Variants in AKAP12 observed in about 807,000 individuals in gnomAD.
The protein encoded by AKAP12 is A-kinase anchor protein 12.
In AKAP12, 32 loss-of-function variants were observed where a neutral mutation model predicts 79.9. That is an observed-to-expected ratio of 0.40 (90% CI 0.30 to 0.54). The LOEUF (loss-of-function observed/expected upper bound fraction) is 0.54. AKAP12 is among the 20% of genes least tolerant of loss of function. The pLI, the probability that AKAP12 is intolerant of heterozygous loss-of-function variation, is 0.48. For synonymous variants in AKAP12, 808 were observed against 857.0 expected (o/e 0.94, Z 1.00); for missense variants, 2,074 against 2,177.0 (o/e 0.95, Z 0.94).
chr6:151,263,581 T>C (rs1395355941), intron 2 of AKAP12, among the ~76,000 whole-genome samples: 1 of 151,996 alleles, frequency 6.6e-6, no homozygotes, highest in Admixed American at 6.6e-5. Flanking sequence ...TCTTTTCTTT[T>C]CTTTTTTATT....
intron 3 of AKAP12, among the ~76,000 whole-genome samples, chr6:151,342,923 C>T (rs148200051): frequency 1.1e-3 from 174 of 152,170 alleles, no homozygotes; most frequent in African/African-American, 4.1e-3. Flanking sequence ...CCACCATGCA[C>T]GACTGATTTT....
chr6:151,345,175 A>G (rs1215453199), intron 3 of AKAP12, among the ~76,000 whole-genome samples: 3 of 151,906 alleles, frequency 2.0e-5, no homozygotes, highest in Non-Finnish European at 4.4e-5. Flanking sequence ...TCCCGGCTTC[A>G]CACCATTCTC....
chr6:151,352,230 T>A lies in AKAP12; in HGVS notation c.3839T>A (p.Phe1280Tyr). 1 of 1,614,150 alleles carries A rather than the reference T, an allele frequency of 6.2e-7. No homozygotes were observed. Among genetic ancestry groups the A allele is most frequent in the Non-Finnish European group, 8.5e-7 (1 of 1,180,024 alleles). Reference sequence around the variant, plus strand: ...GATGAGAAAACCAAAGACGTACCATTTTTCGAAGGACTTGAGGGGTCTATA... The same window carrying A: ...GATGAGAAAACCAAAGACGTACCATATTTCGAAGGACTTGAGGGGTCTATA... Reference protein sequence around the residue: ...YADEKTKDVPFFEGLEGSIDT... With the variant: ...YADEKTKDVPYFEGLEGSIDT... The change falls in exon 4 of 5, where the codon TTT (phenylalanine) becomes TAT (tyrosine). Residue 1280 changes from phenylalanine (F) to tyrosine (Y), a missense_variant. Transcript: ENST00000402676.
At chr6:151,307,564 A>G (rs1224484041) in intron 3 of AKAP12, among the ~76,000 whole-genome samples, 1 of 152,178 alleles carries the variant, frequency 6.6e-6, no homozygotes, top group African/African-American at 2.4e-5. Flanking sequence ...TAGGATGTAT[A>G]AGAGGAGGGA....
chr6:151,306,528 TA>T (rs1776982054), intron 3 of AKAP12, among the ~76,000 whole-genome samples: 1 of 152,228 alleles, frequency 6.6e-6, no homozygotes, highest in Admixed American at 6.5e-5. Flanking sequence ...TTGTTCCATT[TA>T]ATTATAAATA....
At chr6:151,329,736 A>C (rs894108599) in intron 3 of AKAP12, among the ~76,000 whole-genome samples, 7 of 152,198 alleles carry the variant, frequency 4.6e-5, no homozygotes, top group Non-Finnish European at 1.0e-4. Flanking sequence ...ATTAATAACT[A>C]CCACTTCCTG....
At chr6:151,323,735 T>C in intron 3 of AKAP12, 5 of 985,396 alleles carry the variant, frequency 5.1e-6, no homozygotes, top group Non-Finnish European at 4.8e-6. Context: ...CTCAGTGGAA[T>C]AGCTGTTGCT....
At chr6:151,325,757 TC>T in intron 3 of AKAP12, 1 of 1,596,870 alleles carries the variant, frequency 6.3e-7, no homozygotes, top group Middle Eastern at 1.7e-4. Flanking sequence ...TCCGCTCTGA[TC>T]CCGCCGAAAC....
intron 3 of AKAP12, among the ~76,000 whole-genome samples, chr6:151,346,099 G>A (rs942327539): frequency 4.6e-5 from 7 of 152,074 alleles, no homozygotes; most frequent in African/African-American, 1.2e-4. Context: ...CTCATACTCA[G>A]TATTTTCCAA....
At chr6:151,316,688 T>C (rs1219844918) in intron 3 of AKAP12, among the ~76,000 whole-genome samples, 2 of 152,224 alleles carry the variant, frequency 1.3e-5, no homozygotes, top group East Asian at 1.9e-4. Context: ...TGGAGTGCAG[T>C]GGCGCGATCT....
intron 2 of AKAP12, among the ~76,000 whole-genome samples, chr6:151,272,500 T>TAGATAGATAGAC (rs1776206284): frequency 7.2e-6 from 1 of 138,754 alleles, no homozygotes; most frequent in East Asian, 2.0e-4. Flanking sequence ...AGATGATAGA[T>TAGATAGATAGAC]AGATAGATAG....
chr6:151,323,803 C>T (rs2114782976), intron 3 of AKAP12: 1 of 985,406 alleles, frequency 1.0e-6, no homozygotes, highest in Admixed American at 6.1e-5. Flanking sequence ...ATTCATTCTG[C>T]TCTGCAAGGG....
chr6:151,248,526 T>G (rs1797117861), intron 2 of AKAP12, among the ~76,000 whole-genome samples: 1 of 152,048 alleles, frequency 6.6e-6, no homozygotes, highest in Non-Finnish European at 1.5e-5. Flanking sequence ...CAGGTCTAGG[T>G]GACACTGGGT....
rs759523213 is a variant in AKAP12, at chr6:151,352,146, T to A, written c.3755T>A (p.Val1252Glu). 1 of 1,614,090 alleles carries A rather than the reference T, an allele frequency of 6.2e-7. No individual in the cohort carries two copies. The highest frequency in any genetic ancestry group is 8.5e-7 in the Non-Finnish European group (1 of 1,179,998). Residue 1252 changes from valine to glutamate, a missense_variant, in exon 4 of 5, where the codon GTG becomes GAG. This residue lies in a region of AKAP12 where 614 missense variants were observed against 665.6 expected (regional missense o/e 0.92). Coordinates refer to ENST00000402676, the MANE Select transcript of AKAP12 (RefSeq NM_005100.4). ...GAGCATACAGATAAAGAGGTGTCAG[T>A]GGAAACTGTATCCATTCTGTCAAAG... ...TLEHTDKEVS[V>E]ETVSILSKTE...
At position 151,350,124 on chromosome 6, in the gene AKAP12, G is replaced by A. The variant is rs150161531; in HGVS notation, c.1733G>A (p.Cys578Tyr). 186 of 1,614,040 alleles carry A rather than the reference G, an allele frequency of 1.2e-4. No homozygotes were observed. Among genetic ancestry groups the A allele is most frequent in the Non-Finnish European group, 1.5e-4 (175 of 1,180,006 alleles). The change falls in exon 4 of 5, where the codon TGT (cysteine) becomes TAT (tyrosine). Residue 578 changes from cysteine to tyrosine, a missense_variant. By Grantham distance (194) the Cys-to-Tyr change is radical (BLOSUM62 -2). Coordinates refer to ENST00000402676, the MANE Select transcript of AKAP12 (RefSeq NM_005100.4). The surrounding 1 kb of genome is among the most constrained non-coding windows in gnomAD (Gnocchi z 4.8). ...SSPEEPEEIT[C>Y]LEKGLAEVQQ... The stretch of plus-strand genomic sequence containing the variant: ...CCTGAGGAGCCCGAGGAGATCACGT[G>A]TCTGGAAAAGGGCTTAGCCGAGGTG...
intron 2 of AKAP12, among the ~76,000 whole-genome samples, chr6:151,294,444 C>G (rs1289533001): frequency 6.6e-6 from 1 of 152,174 alleles, no homozygotes; most frequent in African/African-American, 2.4e-5. Flanking sequence ...CAGGAAGATA[C>G]CGGTTGTATC....
intron 2 of AKAP12, among the ~76,000 whole-genome samples, chr6:151,288,893 C>G (rs1434949139): frequency 6.6e-6 from 1 of 152,208 alleles, no homozygotes; most frequent in Non-Finnish European, 1.5e-5. Context: ...TAGATGCGCC[C>G]TGTAGCGGCT....
intron 3 of AKAP12, among the ~76,000 whole-genome samples, chr6:151,340,947 A>G (rs1777928845): frequency 6.6e-6 from 1 of 152,138 alleles, no homozygotes; most frequent in African/African-American, 2.4e-5. Flanking sequence ...AGGAAGCGCG[A>G]TGACATCTGT....
chr6:151,243,489 G>T (rs1329220203), intron 2 of AKAP12, among the ~76,000 whole-genome samples: 2 of 152,168 alleles, frequency 1.3e-5, no homozygotes, highest in African/African-American at 4.8e-5. Context: ...CTTGTATTAG[G>T]TCAAATGGAG....
Sources: allele counts gnomAD v4.1 joint callset (sites outside exome capture counted in the v4.1 genomes callset), GRCh38; gene constraint gnomAD v4.1.1; regional missense constraint gnomAD v4.1.1; non-coding constraint Gnocchi (gnomAD v3.1); transcripts MANE v1.5; gene names NCBI Gene and HGNC (gene_info 2026-07-23, HGNC 2026-07-21).